The following ARAP3 variants were observed in gnomAD, a reference collection of about 807,000 sequenced individuals.
ARAP3 encodes ArfGAP with RhoGAP domain, ankyrin repeat and PH domain 3.
ARAP3 carries 82 observed loss-of-function variants against 169.2 expected under a neutral mutation model. The observed-to-expected ratio is 0.48, with a 90% confidence interval of 0.41 to 0.58. ARAP3 has a LOEUF of 0.58. ARAP3 is among the 20% of genes least tolerant of loss of function. ARAP3 has a pLI of 0.00. For missense variants in ARAP3, 1,764 were observed against 2,018.0 expected (o/e 0.87, Z 2.41); for synonymous variants, 791 against 800.3 (o/e 0.99, Z 0.20).
Position 141,670,588 on chromosome 5 carries a change from A to G in ARAP3, c.2031T>C (p.Ala677=), listed in dbSNP as rs2099911289. The change falls in exon 14 of 33, where the codon GCT becomes GCC. Residue 677 remains alanine, a synonymous_variant. Coordinates refer to ENST00000239440, the MANE Select transcript of ARAP3 (RefSeq NM_022481.6). ...TGCAGTACAGGAAGCCGCTGTAAGT[A>G]GCACGCACCACCACCTCATTGTACA... The part of the protein sequence containing the change: ...PGVYNEVVVR[A]TYSGFLYCSP... 2.5e-6 allele frequency: 4 copies of G among 1,614,096 alleles called. No homozygotes were observed. The highest frequency in any genetic ancestry group is 1.7e-5 in the Admixed American group (1 of 60,014).
Position 141,674,162 on chromosome 5 carries a change from C to T in ARAP3, c.699-354G>A, listed in dbSNP as rs186481488. Among the ~76,000 whole-genome samples, 67 of 152,206 alleles carry T rather than the reference C, an allele frequency of 4.4e-4. No homozygotes were observed. The East Asian group carries it at 9.9e-3, about 22-fold the overall frequency. On this transcript the variant is annotated intron_variant, in intron 4 of 32. Transcript: ENST00000239440. ...ATTTTTAGTAGAGACGGGGTTTCTCCATGTTGGTCAGGCTGGTCTCGAACT... is the reference window on the plus strand; with the variant it reads ...ATTTTTAGTAGAGACGGGGTTTCTCTATGTTGGTCAGGCTGGTCTCGAACT...
At chr5:141,664,690 C>T (rs1173260899) in intron 19 of ARAP3, among the ~76,000 whole-genome samples, 1 of 152,168 alleles carries the variant, frequency 6.6e-6, no homozygotes, top group Non-Finnish European at 1.5e-5. Context: ...CACAATTATC[C>T]TGGAAAATGA....
intron 19 of ARAP3, among the ~76,000 whole-genome samples, chr5:141,664,557 T>C (rs1190028496): frequency 2.0e-5 from 3 of 152,216 alleles, no homozygotes; most frequent in Non-Finnish European, 4.4e-5. Context: ...CTGTTTGCCA[T>C]GGCTCTGTGT....
chr5:141,659,348 G>T, intron 23 of ARAP3, 60 bp downstream of exon 23: 1 of 1,517,058 alleles, frequency 6.6e-7, no homozygotes, highest in African/African-American at 1.4e-5. Flanking sequence ...CAGAAAGTCA[G>T]CTTCCTGTCC....
At position 141,665,355 on chromosome 5, in the gene ARAP3, G is replaced by A. The variant is rs2099910495; in HGVS notation, c.2592C>T (p.Asp864=). The A allele has an allele frequency of 1.9e-6, 3 of 1,614,214 alleles. No individual in the cohort carries two copies. In the East Asian group the frequency reaches 6.7e-5, roughly 36 times the overall value. Residue 864 remains aspartate (D), a synonymous_variant, in exon 18 of 33, where the codon GAC becomes GAT. Coordinates refer to ENST00000239440, the MANE Select transcript of ARAP3 (RefSeq NM_022481.6). ...LQEISVVSAA[D]TPDKKEHLVL... ...CCAAATGCTCTTTCTTATCTGGGGT[G>A]TCAGCTGCAGAAACCACACCTGGGA...
intron 16 of ARAP3, among the ~76,000 whole-genome samples, chr5:141,667,736 A>G (rs1252164396): frequency 6.8e-6 from 1 of 147,902 alleles, no homozygotes; most frequent in African/African-American, 2.5e-5. Context: ...CCAGTACTGT[A>G]TTTTCATTAA....
At chr5:141,679,937 G>T in intron 2 of ARAP3, 26 bp downstream of exon 2, 1 of 1,613,814 alleles carries the variant, frequency 6.2e-7, no homozygotes, top group South Asian at 1.1e-5. Context: ...CCCAGCATCA[G>T]TCCCTAGGGA....
intron 21 of ARAP3, among the ~76,000 whole-genome samples, chr5:141,660,480 C>T (rs1294389058): frequency 4.2e-5 from 6 of 144,374 alleles, no homozygotes; most frequent in African/African-American, 1.3e-4. Context: ...GGCCACAGAG[C>T]AAGACTCCGT....
intron 4 of ARAP3, 116 bp downstream of exon 4, chr5:141,679,429 G>C: frequency 9.9e-7 from 1 of 1,006,996 alleles, no homozygotes; most frequent in Non-Finnish European, 1.5e-6. Context: ...TACTCATCCT[G>C]TATCTTGAGT....
At position 141,680,085 on chromosome 5, in the gene ARAP3, C is replaced by T. The variant is rs149087473; in HGVS notation, c.402G>A (p.Arg134=). 3.7e-4 allele frequency: 602 copies of T among 1,613,708 alleles called. 3 individuals carry two copies. The highest frequency in any genetic ancestry group is 3.1e-3 in the Middle Eastern group (19 of 6,082). ...AGGAGGAAGTGGGGAGAGGAGGAGGCCTTGGGCTGGGCTCTGGGCTCCTGG... is the reference window on the plus strand; with the variant it reads ...AGGAGGAAGTGGGGAGAGGAGGAGGTCTTGGGCTGGGCTCTGGGCTCCTGG... ...GVSRSPEPSP[R]PPPLPTSSSE... is the part of the protein sequence containing the mutation. Residue 134 remains arginine (R), a synonymous_variant, in exon 2 of 33, where the codon AGG becomes AGA. Coordinates refer to ENST00000239440, the MANE Select transcript of ARAP3 (RefSeq NM_022481.6).
chr5:141,658,267 A>G (rs2099909496), intron 25 of ARAP3, 98 bp downstream of exon 25: 13 of 1,197,160 alleles, frequency 1.1e-5, no homozygotes, highest in South Asian at 1.4e-5. Flanking sequence ...ATGAGTTACC[A>G]TTCATATTTG....
intron 31 of ARAP3, 70 bp downstream of exon 31, chr5:141,655,551 C>T: frequency 6.2e-7 from 1 of 1,608,414 alleles, no homozygotes; most frequent in Non-Finnish European, 8.5e-7. Context: ...AGCAGGCACA[C>T]CACTGCCTAC....
Position 141,653,843 on chromosome 5 carries a change from C to G in ARAP3, c.*107G>C, listed in dbSNP as rs1193791906. The G allele has an allele frequency of 2.1e-6, 3 of 1,455,266 alleles. No individual in the cohort carries two copies. The African/African-American group carries it at 4.3e-5, about 21-fold the overall frequency. 90.1% of individuals were successfully genotyped at this position (1,455,266 alleles called of 1,614,324 possible). ...CCAGTGCTCCTTCCACAGCACCACA[C>G]TGGATTCTGGAGTCTTTCCAGCCAG... is the stretch of plus-strand genomic sequence containing the variant. On this transcript the variant is annotated 3_prime_UTR_variant, in exon 33 of 33. Transcript: ENST00000239440.
rs776656679 is a variant in ARAP3 at position 141,655,588 on chromosome 5, G to C, written c.4110+33C>G. 12 of 1,613,670 alleles carry C rather than the reference G, an allele frequency of 7.4e-6. No individual in the cohort carries two copies. In the South Asian group the frequency reaches 1.3e-4, roughly 18 times the overall value. On this transcript the variant is annotated intron_variant, in intron 31 of 32. Coordinates refer to ENST00000239440, the MANE Select transcript of ARAP3 (RefSeq NM_022481.6). Reference sequence around the variant, plus strand: ...GCAATGTGACAAGGGCTACACGACAGGAATCGGGTTGGGGCAGGGTGGGGT... The same window carrying C: ...GCAATGTGACAAGGGCTACACGACACGAATCGGGTTGGGGCAGGGTGGGGT...
intron 13 of ARAP3, among the ~76,000 whole-genome samples, chr5:141,670,955 T>C (rs1353487555): frequency 2.0e-5 from 3 of 152,174 alleles, no homozygotes; most frequent in Non-Finnish European, 2.9e-5. Context: ...CCAATGGAGA[T>C]GAGTGTCACT....
In ARAP3 at chr5:141,656,551, A is replaced by T; in HGVS notation, c.3742T>A (p.Phe1248Ile). 1 of 1,612,758 alleles carries T rather than the reference A, an allele frequency of 6.2e-7. No individual in the cohort carries two copies. The change falls in exon 27 of 33, where the codon TTC becomes ATC. Residue 1248 changes from phenylalanine (F) to isoleucine (I), a missense_variant. Phe to Ile is a conservative substitution (Grantham distance 21). Transcript: ENST00000239440. ...RLLGSRFQER[F>I]FLLRGRCLLL... Reference sequence around the variant, plus strand: ...AGGCAGCGGCCACGCAGCAGAAAGAACCTCTCCTGGAAGCGGCTTCCCAGC... The same window carrying T: ...AGGCAGCGGCCACGCAGCAGAAAGATCCTCTCCTGGAAGCGGCTTCCCAGC...
At chr5:141,665,205 G>C in intron 18 of ARAP3, 106 bp downstream of exon 18, 1 of 1,567,902 alleles carries the variant, frequency 6.4e-7, no homozygotes, top group Non-Finnish European at 8.7e-7. Flanking sequence ...CCTGGAGCAA[G>C]GGAAGAAACT....
Position 141,653,992 on chromosome 5 carries a change from G to C in ARAP3, c.4593C>G (p.Pro1531=), listed in dbSNP as rs747474709. 6.4e-7 allele frequency: 1 copy of C among 1,552,576 alleles called. No homozygotes were observed. Among genetic ancestry groups the C allele is most frequent in the East Asian group, 2.2e-5 (1 of 44,452 alleles). The part of the protein sequence containing the change: ...PTQTPGFPTQ[P]PCTSSPPSSQ... ...TGGAGGGTGGACTGGAAGTGCATGGGGGTTGGGTGGGGAAGCCAGGTGTCT... is the reference window on the plus strand; with the variant it reads ...TGGAGGGTGGACTGGAAGTGCATGGCGGTTGGGTGGGGAAGCCAGGTGTCT... Residue 1531 remains proline, a synonymous_variant, in exon 33 of 33, where the codon CCC becomes CCG. Transcript: ENST00000239440.
At chr5:141,676,732 C>T (rs1483615847) in intron 4 of ARAP3, among the ~76,000 whole-genome samples, 1 of 152,214 alleles carries the variant, frequency 6.6e-6, no homozygotes, top group Non-Finnish European at 1.5e-5. Flanking sequence ...TCTCCCAAAC[C>T]TCTAGATATG....
Sources: allele counts gnomAD v4.1 joint callset (sites outside exome capture counted in the v4.1 genomes callset), GRCh38; gene constraint gnomAD v4.1.1; transcripts MANE v1.5; gene names NCBI Gene and HGNC (gene_info 2026-07-23, HGNC 2026-07-21).